Variants in DENND5B observed in about 807,000 individuals in gnomAD.
DENND5B encodes the protein DENN domain-containing protein 5B.
DENND5B carries 34 observed loss-of-function variants against 140.6 expected under a neutral mutation model. The observed-to-expected ratio is 0.24, with a 90% CI of 0.18 to 0.32. The LOEUF is 0.32. DENND5B is among the 10% of genes least tolerant of loss of function. DENND5B has a pLI of 1.00. For synonymous variants in DENND5B, 551 were observed against 562.1 expected (o/e 0.98, Z 0.28); for missense variants, 1,142 against 1,560.2 (o/e 0.73, Z 4.52).
intron 3 of DENND5B, among the ~76,000 whole-genome samples, chr12:31,470,618 T>C (rs893326411): frequency 2.6e-5 from 4 of 152,196 alleles, no homozygotes; most frequent in African/African-American, 9.7e-5. Flanking sequence ...CCAAGACACC[T>C]GATACCTCAT....
intron 1 of DENND5B, among the ~76,000 whole-genome samples, chr12:31,497,784 TGGAGGGGGAGGGGCATGGGGAGGGGCAGC>T (rs1946817621): frequency 4.4e-5 from 1 of 22,568 alleles, no homozygotes; most frequent in Non-Finnish European, 8.3e-5. Flanking sequence ...ATGGGGAGGG[TGGAGGGGGAGGGGCATGGGGAGGGGCAGC>T]GGAGGGGGCA....
chr12:31,426,815 G>A (rs1288288004), intron 8 of DENND5B: 3 of 194,784 alleles, frequency 1.5e-5, no homozygotes, highest in Non-Finnish European at 3.2e-5. Context: ...TCAGATCACT[G>A]ATTTCCTCCA....
chr12:31,535,574 C>T (rs1266262218), intron 1 of DENND5B, among the ~76,000 whole-genome samples: 1 of 152,160 alleles, frequency 6.6e-6, no homozygotes, highest in East Asian at 1.9e-4. Flanking sequence ...TACAAATCCG[C>T]AAGAACCACA....
intron 1 of DENND5B, among the ~76,000 whole-genome samples, chr12:31,496,712 TTTTTTTAATAAA>T (rs1946773925): frequency 6.7e-6 from 1 of 149,256 alleles, no homozygotes; most frequent in African/African-American, 2.6e-5. Flanking sequence ...CTTCCTATTT[TTTTTTTAATAAA>T]TTTTTTAAAA....
intron 3 of DENND5B, chr12:31,477,965 A>G (rs533877774): frequency 4.5e-6 from 1 of 221,672 alleles, no homozygotes; most frequent in Admixed American, 4.4e-5. Context: ...AAATCTGTGG[A>G]GCAGAAAGCA....
chr12:31,583,529 T>C (rs1408632328), intron 1 of DENND5B, among the ~76,000 whole-genome samples: 1 of 148,232 alleles, frequency 6.7e-6, no homozygotes, highest in African/African-American at 2.5e-5. Flanking sequence ...AATACAAAAA[T>C]TAGCCAGGCA....
chr12:31,427,162 T>C (rs1943276882), intron 8 of DENND5B, among the ~76,000 whole-genome samples: 1 of 152,174 alleles, frequency 6.6e-6, no homozygotes, highest in African/African-American at 2.4e-5. Context: ...AATTACAGTG[T>C]TACTTTTGGG....
intron 1 of DENND5B, among the ~76,000 whole-genome samples, chr12:31,572,429 A>G (rs1054678398): frequency 3.9e-5 from 6 of 152,122 alleles, no homozygotes; most frequent in African/African-American, 1.2e-4. Context: ...TGTCTGAAAC[A>G]AAGCAAATAC....
chr12:31,470,218 G>A (rs1178898046), intron 3 of DENND5B, among the ~76,000 whole-genome samples: 4 of 148,600 alleles, frequency 2.7e-5, no homozygotes, highest in African/African-American at 7.4e-5. Flanking sequence ...GGGTTCAAGC[G>A]ATTCTCCTGC....
intron 3 of DENND5B, among the ~76,000 whole-genome samples, chr12:31,475,638 A>T (rs1945770654): frequency 6.6e-6 from 1 of 152,034 alleles, no homozygotes; most frequent in African/African-American, 2.4e-5. Context: ...AGTCCCAGCT[A>T]CTCAGGAGGC....
chr12:31,383,643 G>C lies in DENND5B; in HGVS notation c.*3960C>G, dbSNP rs1000754060. On this transcript the variant is annotated 3_prime_UTR_variant, in exon 21 of 21. Coordinates refer to ENST00000389082, the MANE Select transcript of DENND5B (RefSeq NM_144973.4). ...AGTGGAAAACAAGGTGGGGAGGGTT[G>C]GGAGGTTTTTGTCCTCAGTAGCCTG... The C allele has an allele frequency of 6.6e-6, 1 of 152,140 alleles. No homozygotes were observed. Among genetic ancestry groups the C allele is most frequent in the South Asian group, 2.1e-4 (1 of 4,828 alleles). 9.4% of individuals were successfully genotyped at this position (152,140 alleles called of 1,614,324 possible). A position where few individuals can be genotyped will look rare whatever the true frequency, so the allele number is the denominator to read the frequency against.
Position 31,452,102 on chromosome 12 carries a change from T to C in DENND5B, c.1467A>G (p.Glu489=), listed in dbSNP as rs761076833. The C allele has an allele frequency of 2.5e-6, 4 of 1,614,006 alleles. No homozygotes were observed. The highest frequency in any genetic ancestry group is 3.4e-6 in the Non-Finnish European group (4 of 1,179,900). The part of the protein sequence containing the change: ...EKDKDLKLHC[E]EAELRDYQLN... ...GCTGGTAGTCCCTTAGTTCTGCCTC[T>C]TCACAATGCAGTTTTAAATCCTTGT... The change falls in exon 5 of 21, where the codon GAA becomes GAG. Residue 489 remains glutamate, a synonymous_variant. Coordinates refer to ENST00000389082, the MANE Select transcript of DENND5B (RefSeq NM_144973.4).
At chr12:31,393,110 A>G (rs1941235052) in intron 17 of DENND5B, among the ~76,000 whole-genome samples, 1 of 152,156 alleles carries the variant, frequency 6.6e-6, no homozygotes, top group South Asian at 2.1e-4. Context: ...AGAAGTCCCA[A>G]CATCACTCCT....
At chr12:31,556,979 A>T (rs1257077658) in intron 1 of DENND5B, among the ~76,000 whole-genome samples, 2 of 152,230 alleles carry the variant, frequency 1.3e-5, no homozygotes, top group African/African-American at 4.8e-5. Flanking sequence ...AAAAAAATCA[A>T]AACAACCTCA....
At chr12:31,522,507 C>T (rs1283035545) in intron 1 of DENND5B, among the ~76,000 whole-genome samples, 1 of 152,172 alleles carries the variant, frequency 6.6e-6, no homozygotes, top group East Asian at 1.9e-4. Context: ...AGCAGTGGCA[C>T]GATCTAGCTC....
chr12:31,426,552 A>G lies in DENND5B; in HGVS notation c.2107-128T>C, dbSNP rs936982741. 5.6e-6 allele frequency: 6 copies of G among 1,063,790 alleles called. No individual in the cohort carries two copies. The African/African-American group carries it at 9.6e-5, about 17-fold the overall frequency. The allele number at this position is 1,063,790 out of a possible 1,614,324, so 65.9% of individuals were successfully genotyped here. A position where few individuals can be genotyped will look rare whatever the true frequency, so the allele number is the denominator to read the frequency against. On this transcript the variant is annotated intron_variant, in intron 8 of 20. Transcript: ENST00000389082. ...TCCGTAAGTGTATGTGCATATAACA[A>G]CAATTAATGTTTTAGTGTACTAAAA...
chr12:31,407,010 C>T (rs968256332), intron 14 of DENND5B, among the ~76,000 whole-genome samples: 1 of 151,880 alleles, frequency 6.6e-6, no homozygotes, highest in African/African-American at 2.4e-5. Context: ...ATGTTGGCCA[C>T]GTCAGTCTCG....
intron 1 of DENND5B, among the ~76,000 whole-genome samples, chr12:31,531,494 C>A (rs1339068900): frequency 6.6e-6 from 1 of 152,222 alleles, no homozygotes; most frequent in South Asian, 2.1e-4. Context: ...CCGTGCCCAG[C>A]CAGCTCTAAC....
rs71062425 is a variant in DENND5B at position 31,404,759 on chromosome 12, C to CTTTTTTTTTT, written c.2804-2126_2804-2117dup. Among the ~76,000 whole-genome samples the CTTTTTTTTTT allele has an allele frequency of 6.4e-3, 472 of 74,044 alleles. 83 individuals are homozygous for CTTTTTTTTTT. Among genetic ancestry groups the CTTTTTTTTTT allele is most frequent in the Middle Eastern group, 0.017 (1 of 58 alleles). 48.6% of individuals were successfully genotyped at this position (74,044 alleles called of 152,430 possible). On this transcript the variant is annotated intron_variant, in intron 14 of 20. Coordinates refer to ENST00000389082, the MANE Select transcript of DENND5B (RefSeq NM_144973.4). Reference sequence around the variant, plus strand: ...ATAAGCCACCGCGTCCGACCTCTAGCTTTTTTTTTTTTTTTTTGAGACAGA... The same window carrying CTTTTTTTTTT: ...ATAAGCCACCGCGTCCGACCTCTAGCTTTTTTTTTTTTTTTTTTTTTTTTTTTGAGACAGA...
Sources: gnomAD v4.1 joint callset for allele counts (sites outside exome capture counted in the v4.1 genomes callset) on GRCh38, gnomAD v4.1.1 for gene constraint, MANE v1.5 for transcripts, NCBI Gene and HGNC (gene_info 2026-07-23, HGNC 2026-07-21) for gene names.